NSMCE2: variants seen among roughly 807,000 people sequenced by gnomAD.
The protein encoded by NSMCE2 is NSE2 SUMO ligase component of SMC5/6 complex, also known as E3 SUMO-protein ligase NSE2.
NSMCE2 carries 24 observed loss-of-function variants against 23.8 expected under a neutral mutation model. That is an observed-to-expected ratio of 1.01 (90% CI 0.73 to 1.42). The LOEUF is 1.42. Ranked by LOEUF, NSMCE2 falls within the 40% of genes most tolerant of loss-of-function variation. NSMCE2 has a pLI of 0.00. For synonymous variants in NSMCE2, 92 were observed against 94.1 expected (o/e 0.98, Z 0.13); for missense variants, 284 against 296.5 (o/e 0.96, Z 0.31).
At chr8:125,105,428 T>C (rs1818414361) in intron 3 of NSMCE2, among the ~76,000 whole-genome samples, 1 of 152,200 alleles carries the variant, frequency 6.6e-6, no homozygotes, top group Non-Finnish European at 1.5e-5. Flanking sequence ...TTTTCAGGAT[T>C]CTTTTTGAAG....
rs139453551 is a variant in NSMCE2, at chr8:125,304,584, C to T, written c.419-52635C>T. On this transcript the variant is annotated intron_variant, in intron 5 of 7. Transcript: ENST00000287437. ...TTAAAAGTAGAATTGAGGCTGGGTG[C>T]GGTGGCTCACACCTGTAATCCTAGC... 5.9e-5 allele frequency among the ~76,000 whole-genome samples: 9 copies of T among 152,128 alleles called. No individual in the cohort carries two copies. In the South Asian group the frequency reaches 8.3e-4, roughly 14 times the overall value.
rs188127435 is a variant in NSMCE2 at position 125,127,566 on chromosome 8, T to G, written c.158-23605T>G. 7.0e-3 allele frequency among the ~76,000 whole-genome samples: 1,072 copies of G among 152,168 alleles called. 2 individuals are homozygous for G. The highest frequency in any genetic ancestry group is 0.01 in the Non-Finnish European group (691 of 67,988). ...GTAATGTGTTACATGGAAGATGCAG[T>G]TTTTGTTAGTTGTCTCCCTCTCTTC... is the stretch of plus-strand genomic sequence containing the variant. On this transcript the variant is annotated intron_variant, in intron 3 of 7. Coordinates refer to ENST00000287437, the MANE Select transcript of NSMCE2 (RefSeq NM_173685.4).
In NSMCE2 at chr8:125,184,986, G is replaced by A. The variant is rs144216283; in HGVS notation, c.418+2730G>A. Among the ~76,000 whole-genome samples, 660 of 152,276 alleles carry A rather than the reference G, an allele frequency of 4.3e-3. 4 individuals carry two copies. Among genetic ancestry groups the A allele is most frequent in the Middle Eastern group, 0.024 (7 of 294 alleles). On this transcript the variant is annotated intron_variant, in intron 5 of 7. Transcript: ENST00000287437. ...GTTTTGACAGAGTAAAGGCTGAAGT[G>A]CTTTTATGGTCTACATAGATCCAAA...
At position 125,221,466 on chromosome 8, in the gene NSMCE2, ACTC is replaced by A. The variant is rs571269107; in HGVS notation, c.418+39213_418+39215del. ...GCCATGTTGCCCAGGCTGGTCTTGAACTCCTGGGCTCAAGCAGTCCACCTGCCT... is the reference window on the plus strand; with the variant it reads ...GCCATGTTGCCCAGGCTGGTCTTGAACTGGGCTCAAGCAGTCCACCTGCCT... On this transcript the variant is annotated intron_variant, in intron 5 of 7. Transcript: ENST00000287437. Among the ~76,000 whole-genome samples, 81 of 152,066 alleles carry A rather than the reference ACTC, an allele frequency of 5.3e-4. 2 individuals are homozygous for A. Among genetic ancestry groups the A allele is most frequent in the Non-Finnish European group, 7.8e-4 (53 of 67,966 alleles).
chr8:125,340,089 A>G (rs1488200194), intron 5 of NSMCE2, among the ~76,000 whole-genome samples: 1 of 130,450 alleles, frequency 7.7e-6, no homozygotes, highest in Admixed American at 1.0e-4. Context: ...ATCTCGGCTC[A>G]CTGCAAGCTC....
At chr8:125,108,772 T>A (rs1818591067) in intron 3 of NSMCE2, among the ~76,000 whole-genome samples, 1 of 152,220 alleles carries the variant, frequency 6.6e-6, no homozygotes, top group South Asian at 2.1e-4. Flanking sequence ...CACTAATTCA[T>A]CAGATATGTT....
intron 3 of NSMCE2, among the ~76,000 whole-genome samples, chr8:125,149,423 A>C (rs977673585): frequency 2.0e-5 from 3 of 152,152 alleles, no homozygotes; most frequent in Non-Finnish European, 4.4e-5. Context: ...GAAAAGAAAA[A>C]CTGACATTTG....
At chr8:125,230,270 C>T (rs1184281880) in intron 5 of NSMCE2, among the ~76,000 whole-genome samples, 1 of 151,486 alleles carries the variant, frequency 6.6e-6, no homozygotes, top group Non-Finnish European at 1.5e-5. Context: ...CTTATTTCCT[C>T]CTGGCCAACC....
At chr8:125,141,845 GTTC>G (rs1481080155) in intron 3 of NSMCE2, among the ~76,000 whole-genome samples, 2 of 152,070 alleles carry the variant, frequency 1.3e-5, no homozygotes, top group African/African-American at 2.4e-5. Flanking sequence ...TTAGCTGCCC[GTTC>G]TTCTTGCTTT....
intron 4 of NSMCE2, among the ~76,000 whole-genome samples, chr8:125,159,391 T>A (rs913903242): frequency 6.6e-6 from 1 of 152,214 alleles, no homozygotes; most frequent in Non-Finnish European, 1.5e-5. Context: ...CTTTTCTGTG[T>A]TTACATATGT....
At chr8:125,178,641 C>T (rs1395394997) in intron 4 of NSMCE2, among the ~76,000 whole-genome samples, 2 of 151,996 alleles carry the variant, frequency 1.3e-5, no homozygotes, top group Non-Finnish European at 2.9e-5. Context: ...GAGGTGGAGG[C>T]GGGCGGATCA....
intron 5 of NSMCE2, among the ~76,000 whole-genome samples, chr8:125,307,417 G>A (rs1191162076): frequency 6.6e-6 from 1 of 152,238 alleles, no homozygotes; most frequent in Non-Finnish European, 1.5e-5. Flanking sequence ...AAGGGAATGT[G>A]ATTCTTTTCT....
chr8:125,244,957 A>G (rs1015903220), intron 5 of NSMCE2, among the ~76,000 whole-genome samples: 2 of 152,182 alleles, frequency 1.3e-5, no homozygotes, highest in African/African-American at 2.4e-5. Flanking sequence ...TAAGATTTAT[A>G]CTGGCCACAA....
At chr8:125,144,930 T>C (rs767796904) in intron 3 of NSMCE2, among the ~76,000 whole-genome samples, 2 of 152,186 alleles carry the variant, frequency 1.3e-5, no homozygotes, top group African/African-American at 2.4e-5. Context: ...GTTTTGACAC[T>C]GAGTAACAGA....
rs1321372427 is a variant in NSMCE2 at position 125,304,162 on chromosome 8, C to T, written c.419-53057C>T. On this transcript the variant is annotated intron_variant, in intron 5 of 7. Transcript: ENST00000287437. ...GACTGTGGAAAAGTTATTTGACTTCCCTTAGTGCTTAATGATTAGCCTCAT... is the reference window on the plus strand; with the variant it reads ...GACTGTGGAAAAGTTATTTGACTTCTCTTAGTGCTTAATGATTAGCCTCAT... 3.3e-5 allele frequency among the ~76,000 whole-genome samples: 5 copies of T among 152,066 alleles called. No individual in the cohort carries two copies. In the East Asian group the frequency reaches 9.6e-4, roughly 29 times the overall value.
At position 125,290,605 on chromosome 8, in the gene NSMCE2, T is replaced by C. The variant is rs141075123; in HGVS notation, c.419-66614T>C. On this transcript the variant is annotated intron_variant, in intron 5 of 7. Transcript: ENST00000287437. ...CCAGACAGAATTAGAATCTCTCAGTTACAATTCCAGTCTCACAGAAAAGTT... is the reference window on the plus strand; with the variant it reads ...CCAGACAGAATTAGAATCTCTCAGTCACAATTCCAGTCTCACAGAAAAGTT... Among the ~76,000 whole-genome samples the C allele has an allele frequency of 3.4e-4, 52 of 152,300 alleles. 1 individual carries two copies. The East Asian group carries it at 9.7e-3, about 28-fold the overall frequency.
At chr8:125,327,244 C>T (rs912249658) in intron 5 of NSMCE2, among the ~76,000 whole-genome samples, 23 of 124,670 alleles carry the variant, frequency 1.8e-4, no homozygotes, top group Admixed American at 3.7e-4. Flanking sequence ...CCAGCCTGGG[C>T]GATAAAGCAA....
rs547892014 is a variant in NSMCE2, at chr8:125,249,250, A to T, written c.418+66994A>T. Reference sequence around the variant, plus strand: ...TCCACTTTATTATACTGTTTCGAACATGGTTCTGAATTTTAAAGATCTCAA... The same window carrying T: ...TCCACTTTATTATACTGTTTCGAACTTGGTTCTGAATTTTAAAGATCTCAA... On this transcript the variant is annotated intron_variant, in intron 5 of 7. Transcript: ENST00000287437. Among the ~76,000 whole-genome samples the T allele has an allele frequency of 2.6e-5, 4 of 152,286 alleles. No homozygotes were observed. The South Asian group carries it at 8.3e-4, about 32-fold the overall frequency.
chr8:125,361,177 C>T (rs759543768), intron 7 of NSMCE2, among the ~76,000 whole-genome samples: 1 of 150,782 alleles, frequency 6.6e-6, no homozygotes, highest in Non-Finnish European at 1.5e-5. Context: ...AAGCAATTCT[C>T]GTGCCTCAGC....
Sources: allele counts gnomAD v4.1 joint callset (sites outside exome capture counted in the v4.1 genomes callset), GRCh38; gene constraint gnomAD v4.1.1; transcripts MANE v1.5; gene names NCBI Gene and HGNC (gene_info 2026-07-23, HGNC 2026-07-21).